MACROD2: variants seen among roughly 807,000 people sequenced by gnomAD.
MACROD2 encodes mono-ADP ribosylhydrolase 2, also known as ADP-ribose glycohydrolase MACROD2.
Under a neutral mutation model 70.4 loss-of-function variants are expected in MACROD2, and 36 were observed. The observed-to-expected ratio is 0.51, with a 90% CI of 0.39 to 0.68. MACROD2 has a LOEUF of 0.68. Ranked by LOEUF, MACROD2 falls within the 30% of genes least tolerant of loss-of-function variation. The pLI, the probability that MACROD2 is intolerant of heterozygous loss-of-function variation, is 0.00. For missense variants in MACROD2, 496 were observed against 538.4 expected, an observed-to-expected ratio of 0.92 and a Z score of 0.78; for synonymous variants, 172 against 178.8, an observed-to-expected ratio of 0.96 and a Z score of 0.30.
intron 5 of MACROD2, among the ~76,000 whole-genome samples, chr20:14,938,794 C>T (rs1014367934): frequency 6.6e-6 from 1 of 151,846 alleles, no homozygotes; most frequent in Non-Finnish European, 1.5e-5. Flanking sequence ...AAAACAAAAC[C>T]TAAACCAAAC....
intron 5 of MACROD2, among the ~76,000 whole-genome samples, chr20:14,812,237 C>A (rs2072723117): frequency 6.6e-6 from 1 of 152,028 alleles, no homozygotes; most frequent in Non-Finnish European, 1.5e-5. Flanking sequence ...CCATGGAATA[C>A]TATGCAGCCA....
intron 3 of MACROD2, among the ~76,000 whole-genome samples, chr20:14,432,943 A>G (rs1480571920): frequency 6.6e-6 from 1 of 152,112 alleles, no homozygotes; most frequent in African/African-American, 2.4e-5. Flanking sequence ...TGAAAATTTT[A>G]TGCATACAAA....
At chr20:15,652,937 C>A (rs1214849408) in intron 8 of MACROD2, among the ~76,000 whole-genome samples, 2 of 152,150 alleles carry the variant, frequency 1.3e-5, no homozygotes, top group East Asian at 3.9e-4. Flanking sequence ...ACTAATATTA[C>A]TGCTATAATT....
intron 8 of MACROD2, among the ~76,000 whole-genome samples, chr20:15,537,370 G>T (rs1217853181): frequency 6.6e-6 from 1 of 151,800 alleles, no homozygotes; most frequent in African/African-American, 2.4e-5. Flanking sequence ...ATGAAAATGG[G>T]CTAATACAGC....
chr20:15,474,120 T>C (rs2046992904), intron 7 of MACROD2, among the ~76,000 whole-genome samples: 1 of 152,190 alleles, frequency 6.6e-6, no homozygotes, highest in African/African-American at 2.4e-5. Context: ...CTAAATGAAA[T>C]AAGGCAATTG....
chr20:14,433,999 A>G (rs1229833953), intron 3 of MACROD2, among the ~76,000 whole-genome samples: 1 of 152,130 alleles, frequency 6.6e-6, no homozygotes, highest in Non-Finnish European at 1.5e-5. Flanking sequence ...ATGCATCTAG[A>G]AGTTATATGC....
intron 5 of MACROD2, among the ~76,000 whole-genome samples, chr20:14,847,264 A>G (rs1169370183): frequency 6.6e-6 from 1 of 152,164 alleles, no homozygotes; most frequent in Non-Finnish European, 1.5e-5. Context: ...TTTATGGTAG[A>G]GACTATGCAA....
intron 2 of MACROD2, among the ~76,000 whole-genome samples, chr20:14,030,431 T>C (rs1346084057): frequency 6.6e-6 from 1 of 151,958 alleles, no homozygotes; most frequent in African/African-American, 2.4e-5. Flanking sequence ...TTTTTTGAGA[T>C]GGAGTCTTGT....
chr20:15,140,838 C>T (rs1021840977), intron 5 of MACROD2, among the ~76,000 whole-genome samples: 9 of 152,146 alleles, frequency 5.9e-5, no homozygotes, highest in Non-Finnish European at 1.3e-4. Flanking sequence ...GCTTCAACTG[C>T]CCTCATTAAT....
At chr20:15,153,490 C>T (rs926547453) in intron 5 of MACROD2, among the ~76,000 whole-genome samples, 2 of 152,100 alleles carry the variant, frequency 1.3e-5, no homozygotes, top group African/African-American at 4.8e-5. Context: ...AGCTTGGGCT[C>T]AGAGGCCTGA....
intron 15 of MACROD2, among the ~76,000 whole-genome samples, chr20:16,010,182 A>T (rs183551055): frequency 4.5e-4 from 69 of 152,266 alleles, no homozygotes; most frequent in Admixed American, 9.8e-4. Context: ...GGAGAGGGAG[A>T]GCATGTGAGT....
intron 5 of MACROD2, among the ~76,000 whole-genome samples, chr20:15,085,148 TAGAGG>T (rs1172361334): frequency 6.6e-6 from 1 of 152,126 alleles, no homozygotes; most frequent in African/African-American, 2.4e-5. Context: ...AACAATTCAG[TAGAGG>T]AAAGAATGCT....
intron 4 of MACROD2, among the ~76,000 whole-genome samples, chr20:14,666,765 G>A (rs2070740900): frequency 1.3e-5 from 2 of 151,736 alleles, no homozygotes; most frequent in East Asian, 1.9e-4. Context: ...GGGTTAAAAT[G>A]TTTTCTTAGT....
intron 4 of MACROD2, among the ~76,000 whole-genome samples, chr20:14,594,863 G>T (rs1982016490): frequency 6.6e-6 from 1 of 152,216 alleles, no homozygotes; most frequent in Non-Finnish European, 1.5e-5. Context: ...CTGCACTCCA[G>T]CCTGGATGAA....
chr20:14,402,110 G>C (rs1032490165), intron 3 of MACROD2, among the ~76,000 whole-genome samples: 1 of 152,104 alleles, frequency 6.6e-6, no homozygotes, highest in Admixed American at 6.6e-5. Flanking sequence ...TCAATTATAA[G>C]TGTATGTGTA....
chr20:14,433,108 A>G (rs1407002032), intron 3 of MACROD2, among the ~76,000 whole-genome samples: 1 of 152,138 alleles, frequency 6.6e-6, no homozygotes, highest in African/African-American at 2.4e-5. Flanking sequence ...TTTAGAGAAA[A>G]ATAGACCAGT....
chr20:14,177,030 G>T (rs571899405), intron 3 of MACROD2, among the ~76,000 whole-genome samples: 1 of 152,242 alleles, frequency 6.6e-6, no homozygotes, highest in Admixed American at 6.5e-5. Context: ...CATAAGTAGA[G>T]TTGAAAAATA....
At chr20:14,940,630 G>C (rs2074382094) in intron 5 of MACROD2, among the ~76,000 whole-genome samples, 1 of 150,770 alleles carries the variant, frequency 6.6e-6, no homozygotes, top group East Asian at 1.9e-4. Context: ...TTTCTAAAAT[G>C]CTTTTTCAGC....
At chr20:15,269,838 G>T (rs768088444) in intron 6 of MACROD2, among the ~76,000 whole-genome samples, 5 of 152,022 alleles carry the variant, frequency 3.3e-5, no homozygotes, top group Non-Finnish European at 7.4e-5. Flanking sequence ...TTCACTCTCT[G>T]CATCACTAAT....
Sources: allele counts gnomAD v4.1 joint callset (sites outside exome capture counted in the v4.1 genomes callset), GRCh38; gene constraint gnomAD v4.1.1; transcripts MANE v1.5; gene names NCBI Gene and HGNC (gene_info 2026-07-23, HGNC 2026-07-21).